PLA2G12A: variants seen among roughly 807,000 people sequenced by gnomAD.
PLA2G12A encodes group XIIA secretory phospholipase A2.
A neutral mutation model predicts 16.0 loss-of-function variants in PLA2G12A; 11 were observed. That is an observed-to-expected ratio of 0.69 (90% confidence interval 0.43 to 1.13). PLA2G12A has a LOEUF of 1.13. PLA2G12A is among the 50% of genes most tolerant of loss of function. The pLI, the probability that PLA2G12A is intolerant of heterozygous loss-of-function variation, is 0.00. For missense variants in PLA2G12A, 214 were observed against 237.3 expected (o/e 0.90, Z 0.65); for synonymous variants, 77 against 93.8 (o/e 0.82, Z 1.03).
At position 109,715,567 on chromosome 4, in the gene PLA2G12A, C is replaced by T. The variant is rs547789299; in HGVS notation, c.452-1072G>A. ...GTGGCATGATCTTGGTTCACTGCAA[C>T]CTCTGCCTCCTGGGTTCAAGTGATT... On this transcript the variant is annotated intron_variant, in intron 3 of 3. Coordinates refer to ENST00000243501, the MANE Select transcript of PLA2G12A (RefSeq NM_030821.5). Among the ~76,000 whole-genome samples the T allele has an allele frequency of 8.4e-3, 1,281 of 152,210 alleles. 16 individuals are homozygous for T. Among genetic ancestry groups the T allele is most frequent in the African/African-American group, 0.029 (1,207 of 41,510 alleles).
chr4:109,726,962 T>G (rs1722953459), intron 1 of PLA2G12A, among the ~76,000 whole-genome samples: 1 of 151,012 alleles, frequency 6.6e-6, no homozygotes, highest in South Asian at 2.1e-4. Context: ...TCTCTTGATC[T>G]CTTTCGTGCA....
At chr4:109,723,932 T>C (rs992556212) in intron 1 of PLA2G12A, among the ~76,000 whole-genome samples, 5 of 152,188 alleles carry the variant, frequency 3.3e-5, no homozygotes, top group African/African-American at 7.2e-5. Context: ...AGTGTGTCAT[T>C]TGAAAATAAA....
chr4:109,726,507 C>T (rs995593846), intron 1 of PLA2G12A, among the ~76,000 whole-genome samples: 1 of 152,122 alleles, frequency 6.6e-6, no homozygotes, highest in Non-Finnish European at 1.5e-5. Flanking sequence ...CAAAATCACC[C>T]GTCTTTTGTC....
intron 3 of PLA2G12A, among the ~76,000 whole-genome samples, chr4:109,714,957 T>TTTG (rs1730801097): frequency 1.3e-5 from 2 of 150,678 alleles, no homozygotes; most frequent in Non-Finnish European, 3.0e-5. Context: ...ACCCAGCTAT[T>TTTG]TTTGTTTGTT....
intron 1 of PLA2G12A, among the ~76,000 whole-genome samples, chr4:109,720,754 T>C (rs1730925028): frequency 6.7e-6 from 1 of 150,256 alleles, no homozygotes; most frequent in Non-Finnish European, 1.5e-5. Flanking sequence ...AAGAGAGTAG[T>C]ATAACCTCAC....
chr4:109,716,420 T>C (rs1312645014), intron 3 of PLA2G12A, among the ~76,000 whole-genome samples: 2 of 152,232 alleles, frequency 1.3e-5, no homozygotes, highest in Non-Finnish European at 2.9e-5. Flanking sequence ...TGGCATCAAA[T>C]GAAAACATGA....
At chr4:109,727,386 C>T (rs1722961227) in intron 1 of PLA2G12A, among the ~76,000 whole-genome samples, 1 of 152,106 alleles carries the variant, frequency 6.6e-6, no homozygotes, top group South Asian at 2.1e-4. Flanking sequence ...GCTGGGATTA[C>T]AGGCATGAGC....
rs1163781913 is a variant in PLA2G12A at position 109,710,249 on chromosome 4, T to C, written c.*4128A>G. 1.3e-5 allele frequency: 2 copies of C among 152,240 alleles called. No homozygotes were observed. Among genetic ancestry groups the C allele is most frequent in the Non-Finnish European group, 2.9e-5 (2 of 68,044 alleles). 9.4% of individuals were successfully genotyped at this position (152,240 alleles called of 1,614,324 possible). A position where few individuals can be genotyped will look rare whatever the true frequency, so the allele number is the denominator to read the frequency against. ...AGATCTTGCCTAATAAGTTTCATTC[T>C]ACTCCTCAAAGTTACTGAAGTCAGT... On this transcript the variant is annotated 3_prime_UTR_variant, in exon 4 of 4. Transcript: ENST00000243501.
intron 1 of PLA2G12A, among the ~76,000 whole-genome samples, chr4:109,723,051 T>G (rs182375567): frequency 8.1e-4 from 123 of 152,344 alleles, no homozygotes; most frequent in Middle Eastern, 3.4e-3. Context: ...CAAAGACTGA[T>G]GACTTCTAGC....
chr4:109,726,931 CTTT>C (rs34683356), intron 1 of PLA2G12A, among the ~76,000 whole-genome samples: 1 of 140,044 alleles, frequency 7.1e-6, no homozygotes. Context: ...TTAACTCACT[CTTT>C]TTTTTTTTTT....
intron 1 of PLA2G12A, among the ~76,000 whole-genome samples, chr4:109,724,040 T>C (rs1722870349): frequency 6.6e-6 from 1 of 152,170 alleles, no homozygotes; most frequent in African/African-American, 2.4e-5. Flanking sequence ...CCTCACCCTG[T>C]TCCATGAGAA....
intron 1 of PLA2G12A, among the ~76,000 whole-genome samples, chr4:109,725,087 G>A (rs756111600): frequency 1.7e-4 from 26 of 151,978 alleles, no homozygotes; most frequent in Non-Finnish European, 1.9e-4. Flanking sequence ...AACATTAGTC[G>A]GTTTCTATGA....
Position 109,729,595 on chromosome 4 carries a change from C to T in PLA2G12A, c.208+7G>A, listed in dbSNP as rs773126369. ...CGAGCCCTCGCTGGGCCCGGGTGCC[C>T]CCTCACCGTCACTGCATTTATACTG... is the stretch of plus-strand genomic sequence containing the variant. On this transcript the variant is annotated splice_region_variant and intron_variant, in intron 1 of 3. Transcript: ENST00000243501. The T allele has an allele frequency of 2.5e-6, 4 of 1,605,206 alleles. No individual in the cohort carries two copies. In the South Asian group the frequency reaches 4.4e-5, roughly 18 times the overall value.
At chr4:109,717,501 C>G (rs368353492) in intron 3 of PLA2G12A, 47 bp downstream of exon 3, 49 of 1,550,188 alleles carry the variant, frequency 3.2e-5, no homozygotes, top group Middle Eastern at 2.0e-4. Context: ...GCATTTGATA[C>G]AACTTTAAAA....
intron 3 of PLA2G12A, among the ~76,000 whole-genome samples, chr4:109,715,755 G>A (rs980593960): frequency 6.6e-5 from 10 of 152,280 alleles, no homozygotes; most frequent in African/African-American, 1.7e-4. Flanking sequence ...GATTACAGGC[G>A]TGAGCCACCG....
chr4:109,717,925 T>A (rs572561845), intron 2 of PLA2G12A, among the ~76,000 whole-genome samples: 1 of 152,340 alleles, frequency 6.6e-6, no homozygotes, highest in South Asian at 2.1e-4. Context: ...TATGCCTCAC[T>A]GCTCCCTATT....
intron 3 of PLA2G12A, among the ~76,000 whole-genome samples, chr4:109,716,171 G>T (rs1730824926): frequency 6.6e-6 from 1 of 152,222 alleles, no homozygotes; most frequent in East Asian, 1.9e-4. Flanking sequence ...GCTGCAAAGG[G>T]ATACAGAGGC....
intron 1 of PLA2G12A, among the ~76,000 whole-genome samples, chr4:109,722,068 G>C (rs1316098342): frequency 6.6e-6 from 1 of 152,114 alleles, no homozygotes; most frequent in Non-Finnish European, 1.5e-5. Flanking sequence ...AAATATGTTA[G>C]ATCAAGTCTT....
At chr4:109,721,784 C>T (rs1310807149) in intron 1 of PLA2G12A, among the ~76,000 whole-genome samples, 7 of 152,136 alleles carry the variant, frequency 4.6e-5, no homozygotes, top group Non-Finnish European at 1.0e-4. Flanking sequence ...GTAATTCTGT[C>T]CTTCCAGATG....
Sources: allele counts gnomAD v4.1 joint callset (sites outside exome capture counted in the v4.1 genomes callset), GRCh38; gene constraint gnomAD v4.1.1; transcripts MANE v1.5; gene names NCBI Gene and HGNC (gene_info 2026-07-23, HGNC 2026-07-21).